ROBO2: variants seen among roughly 807,000 people sequenced by gnomAD.
ROBO2 encodes the protein roundabout homolog 2.
In ROBO2, 53 loss-of-function variants were observed where a neutral mutation model predicts 160.8. That is an observed-to-expected ratio of 0.33 (90% CI 0.26 to 0.41). The LOEUF (loss-of-function observed/expected upper bound fraction) is 0.41. Among genes scored for constraint, ROBO2 ranks in the 10% least tolerant of loss-of-function variants. ROBO2 has a pLI of 1.00. For synonymous variants in ROBO2, 664 were observed against 611.7 expected, an observed-to-expected ratio of 1.09 and a Z score of -1.26; for missense variants, 1,577 against 1,722.4, an observed-to-expected ratio of 0.92 and a Z score of 1.49.
At chr3:77,637,111 T>G (rs1003613251) in intron 24 of ROBO2, among the ~76,000 whole-genome samples, 7 of 152,228 alleles carry the variant, frequency 4.6e-5, no homozygotes, top group African/African-American at 1.7e-4. Flanking sequence ...GGAAAGCTCT[T>G]AAAATATACC....
chr3:76,999,498 T>G (rs983731603), intron 2 of ROBO2, among the ~76,000 whole-genome samples: 7 of 152,198 alleles, frequency 4.6e-5, no homozygotes, highest in African/African-American at 1.7e-4. Context: ...CAAATTCTTT[T>G]GGTGTAGGAC....
intron 2 of ROBO2, among the ~76,000 whole-genome samples, chr3:77,325,748 A>G (rs1029430489): frequency 6.6e-6 from 1 of 152,194 alleles, no homozygotes; most frequent in East Asian, 1.9e-4. Context: ...AACTGTAACT[A>G]TCTATTAGGC....
intron 2 of ROBO2, among the ~76,000 whole-genome samples, chr3:76,870,295 G>A (rs2071888859): frequency 1.3e-5 from 2 of 152,026 alleles, no homozygotes; most frequent in Admixed American, 1.3e-4. Flanking sequence ...TTACAAACCT[G>A]GCTTTCATCA....
At chr3:76,185,490 A>C (rs1701720293) in intron 2 of ROBO2, among the ~76,000 whole-genome samples, 2 of 151,974 alleles carry the variant, frequency 1.3e-5, no homozygotes, top group African/African-American at 4.8e-5. Context: ...GAAAATTAGC[A>C]CTAAAGCATC....
chr3:76,545,912 T>C (rs898007656), intron 2 of ROBO2, among the ~76,000 whole-genome samples: 4 of 151,852 alleles, frequency 2.6e-5, no homozygotes, highest in Non-Finnish European at 5.9e-5. Flanking sequence ...GAAAACAGTA[T>C]ATTTCCATGT....
intron 2 of ROBO2, among the ~76,000 whole-genome samples, chr3:77,446,618 T>C (rs1344141181): frequency 6.6e-6 from 1 of 152,260 alleles, no homozygotes; most frequent in East Asian, 1.9e-4. Flanking sequence ...ATTTTTCTTA[T>C]AGTGCTTAAA....
At chr3:76,727,042 T>C (rs1254717988) in intron 2 of ROBO2, among the ~76,000 whole-genome samples, 1 of 152,212 alleles carries the variant, frequency 6.6e-6, no homozygotes, top group Non-Finnish European at 1.5e-5. Flanking sequence ...CTTTGGTCTG[T>C]GCTAATTCTT....
At chr3:76,019,856 A>C (rs1244084079) in intron 2 of ROBO2, among the ~76,000 whole-genome samples, 1 of 151,644 alleles carries the variant, frequency 6.6e-6, no homozygotes, top group Non-Finnish European at 1.5e-5. Context: ...GTTCCTTGGA[A>C]TTGGCTAATA....
At chr3:75,908,391 A>G (rs1946438050) in intron 1 of ROBO2, among the ~76,000 whole-genome samples, 1 of 152,150 alleles carries the variant, frequency 6.6e-6, no homozygotes, top group Non-Finnish European at 1.5e-5. Flanking sequence ...TCTTTCACAT[A>G]TATTACTTCT....
chr3:75,909,307 G>C (rs1443691899), intron 1 of ROBO2, among the ~76,000 whole-genome samples: 1 of 152,138 alleles, frequency 6.6e-6, no homozygotes, highest in South Asian at 2.1e-4. Context: ...TTTTTGGAGG[G>C]AGGGAGCTTT....
intron 2 of ROBO2, chr3:77,317,270 T>C (rs1174625944): frequency 9.1e-6 from 7 of 772,766 alleles, no homozygotes; most frequent in South Asian, 6.0e-5. Context: ...GTCTTGATTT[T>C]AGCATTTTTT....
chr3:76,719,515 T>G (rs2093432014), intron 2 of ROBO2, among the ~76,000 whole-genome samples: 1 of 152,164 alleles, frequency 6.6e-6, no homozygotes, highest in South Asian at 2.1e-4. Flanking sequence ...CTATATAATT[T>G]AAAGTAAAAA....
chr3:76,475,151 A>C (rs2078867003), intron 2 of ROBO2, among the ~76,000 whole-genome samples: 1 of 152,112 alleles, frequency 6.6e-6, no homozygotes, highest in South Asian at 2.1e-4. Flanking sequence ...TAGTTCAAAT[A>C]GGGTAGGCAG....
At chr3:75,972,790 C>T (rs564383447) in intron 2 of ROBO2, among the ~76,000 whole-genome samples, 42 of 151,688 alleles carry the variant, frequency 2.8e-4, no homozygotes, top group Admixed American at 2.0e-3. Flanking sequence ...AACTCCATTG[C>T]GTAGTGGAGT....
At chr3:77,537,717 G>A (rs530853050) in intron 6 of ROBO2, among the ~76,000 whole-genome samples, 21 of 152,264 alleles carry the variant, frequency 1.4e-4, no homozygotes, top group East Asian at 9.7e-4. Flanking sequence ...AGGTTTAATC[G>A]ACTCATAGCT....
intron 2 of ROBO2, among the ~76,000 whole-genome samples, chr3:77,358,882 G>A (rs1463450272): frequency 2.6e-5 from 4 of 152,176 alleles, no homozygotes; most frequent in African/African-American, 9.6e-5. Context: ...TTTTGGTAAG[G>A]TAAATTATTA....
At chr3:77,486,831 C>T (rs1331635951) in intron 4 of ROBO2, among the ~76,000 whole-genome samples, 5 of 151,954 alleles carry the variant, frequency 3.3e-5, no homozygotes, top group Non-Finnish European at 7.4e-5. Flanking sequence ...TTTCTCTTCC[C>T]CACCATCCCC....
chr3:76,031,035 T>C (rs1004613218), intron 2 of ROBO2, among the ~76,000 whole-genome samples: 5 of 152,186 alleles, frequency 3.3e-5, no homozygotes, highest in African/African-American at 1.2e-4. Context: ...TGTCCTCTTT[T>C]ATTTCGTTGA....
chr3:77,052,468 T>C (rs1321414658), intron 1 of ROBO2, among the ~76,000 whole-genome samples: 1 of 152,200 alleles, frequency 6.6e-6, no homozygotes, highest in Non-Finnish European at 1.5e-5. Flanking sequence ...ATCGAGTGAT[T>C]AATACCTTCT....
Sources: allele counts gnomAD v4.1 joint callset (sites outside exome capture counted in the v4.1 genomes callset), GRCh38; gene constraint gnomAD v4.1.1; transcripts MANE v1.5; gene names NCBI Gene and HGNC (gene_info 2026-07-23, HGNC 2026-07-21).